CXADR: variants seen among roughly 807,000 people sequenced by gnomAD.
CXADR encodes the protein CXADR cell adhesion molecule, also known as coxsackievirus and adenovirus receptor.
Under a neutral mutation model 40.3 loss-of-function variants are expected in CXADR, and 20 were observed. The ratio of observed to expected loss-of-function variants is 0.50; its 90% CI spans 0.35 to 0.72. The LOEUF is 0.72. CXADR is among the 30% of genes least tolerant of loss of function. The pLI is 0.01. For missense variants in CXADR, 332 were observed against 449.1 expected (o/e 0.74, Z 2.36); for synonymous variants, 150 against 161.3 (o/e 0.93, Z 0.53).
At chr21:17,564,860 G>A (rs1444738857) in intron 6 of CXADR, among the ~76,000 whole-genome samples, 2 of 151,994 alleles carry the variant, frequency 1.3e-5, no homozygotes, top group African/African-American at 2.4e-5. Flanking sequence ...TCAGCCTCCC[G>A]AGTAGCTGGG....
intron 7 of CXADR, among the ~76,000 whole-genome samples, chr21:17,584,964 G>A (rs2061384643): frequency 6.6e-6 from 1 of 152,162 alleles, no homozygotes; most frequent in East Asian, 1.9e-4. Flanking sequence ...TTCTTTAGAA[G>A]TGGTTGATGG....
At chr21:17,627,937 CT>C in the CXADR span, among the ~76,000 whole-genome samples, 7 of 152,116 alleles carry the variant, frequency 4.6e-5, no homozygotes, top group African/African-American at 1.7e-4. Flanking sequence ...TAGTTTCTTT[CT>C]TTTAGTTGAT....
At chr21:17,594,437 AC>A, downstream of CXADR, 1 of 1,288,490 alleles carries the variant, frequency 7.8e-7, no homozygotes, top group African/African-American at 1.5e-5. Context: ...CACTGAGATC[AC>A]ATCTAAGTGA....
At chr21:17,604,771 A>G in the CXADR span, 15 of 1,438,048 alleles carry the variant, frequency 1.0e-5, no homozygotes, top group Admixed American at 1.2e-4. Context: ...CCTGGCCATA[A>G]AGATACACAG....
At chr21:17,516,623 G>T (rs761825261) in intron 1 of CXADR, among the ~76,000 whole-genome samples, 18 of 152,182 alleles carry the variant, frequency 1.2e-4, no homozygotes, top group Non-Finnish European at 2.4e-4. Flanking sequence ...TTTGATGGTG[G>T]CCAAGCCTCA....
intron 6 of CXADR, among the ~76,000 whole-genome samples, chr21:17,563,490 T>G (rs1397985773): frequency 6.6e-6 from 1 of 152,130 alleles, no homozygotes; most frequent in Non-Finnish European, 1.5e-5. Flanking sequence ...CTGTCTCTTA[T>G]GGGCATCATT....
Position 17,566,927 on chromosome 21 carries a change from T to C in CXADR, c.*1235T>C, listed in dbSNP as rs1255727306. ...GCTTTGAAAAAGTTTGTCTTAGTTT[T>C]GTGAAGGTGATTTATTCTTAAAAAA... On this transcript the variant is annotated 3_prime_UTR_variant, in exon 7 of 7. Coordinates refer to ENST00000284878, the MANE Select transcript of CXADR (RefSeq NM_001338.5). 5.1e-6 allele frequency: 5 copies of C among 976,390 alleles called. No homozygotes were observed. The highest frequency in any genetic ancestry group is 4.8e-6 in the Non-Finnish European group (4 of 826,366). The allele number at this position is 976,390 out of a possible 1,614,324, so 60.5% of individuals were successfully genotyped here.
chr21:17,584,633 C>G (rs1174330880), intron 7 of CXADR, among the ~76,000 whole-genome samples: 1 of 152,174 alleles, frequency 6.6e-6, no homozygotes, highest in East Asian at 1.9e-4. Flanking sequence ...AGTTTGAGAC[C>G]AGCCTGGCCA....
At chr21:17,592,616 ACT>A (rs2061448436) in intron 7 of CXADR, among the ~76,000 whole-genome samples, 1 of 151,852 alleles carries the variant, frequency 6.6e-6, no homozygotes, top group Non-Finnish European at 1.5e-5. Context: ...CAGTGTGATG[ACT>A]CTGAAAGTAA....
chr21:17,536,574 A>T (rs953876567), intron 1 of CXADR, among the ~76,000 whole-genome samples: 5 of 152,110 alleles, frequency 3.3e-5, no homozygotes, highest in Non-Finnish European at 7.4e-5. Flanking sequence ...GGCTGACTGA[A>T]TAAGTCTAGG....
At chr21:17,531,017 C>T (rs1403566079) in intron 1 of CXADR, among the ~76,000 whole-genome samples, 2 of 151,484 alleles carry the variant, frequency 1.3e-5, no homozygotes, top group Non-Finnish European at 2.9e-5. Flanking sequence ...GTTCCAGTTG[C>T]GGTCAGGCGC....
chr21:17,617,955 C>A, the CXADR span, among the ~76,000 whole-genome samples: 9 of 152,184 alleles, frequency 5.9e-5, no homozygotes, highest in Non-Finnish European at 1.2e-4. Context: ...CTTCTCAAAC[C>A]CTGCTGCTGC....
chr21:17,581,303 C>A, intron 7 of CXADR, among the ~76,000 whole-genome samples: 1 of 152,176 alleles, frequency 6.6e-6, no homozygotes, highest in East Asian at 1.9e-4. Flanking sequence ...ATAAATATAT[C>A]TTTAAAATAA....
chr21:17,622,488 A>T, the CXADR span, among the ~76,000 whole-genome samples: 1 of 152,264 alleles, frequency 6.6e-6, no homozygotes, highest in East Asian at 1.9e-4. Context: ...CCTATATATA[A>T]TGCATATATG....
chr21:17,531,411 CATT>C (rs1436697089), intron 1 of CXADR, among the ~76,000 whole-genome samples: 3 of 152,004 alleles, frequency 2.0e-5, no homozygotes, highest in Non-Finnish European at 2.9e-5. Context: ...AGTGCCATCT[CATT>C]ATAATTTTCT....
rs1043550936 is a variant in CXADR, at chr21:17,566,771, G to T, written c.*1079G>T. The T allele has an allele frequency of 1.0e-5, 10 of 964,492 alleles. No individual in the cohort carries two copies. The highest frequency in any genetic ancestry group is 1.2e-5 in the Non-Finnish European group (10 of 811,280). 59.7% of individuals were successfully genotyped at this position (964,492 alleles called of 1,614,324 possible). A position where few individuals can be genotyped will look rare whatever the true frequency, so the allele number is the denominator to read the frequency against. On this transcript the variant is annotated 3_prime_UTR_variant, in exon 7 of 7. Coordinates refer to ENST00000284878, the MANE Select transcript of CXADR (RefSeq NM_001338.5). The stretch of plus-strand genomic sequence containing the variant: ...CTGGATGATATTTTTTATCATAAAT[G>T]CAGAATAATCAAATACATTTTAAGC...
intron 1 of CXADR, among the ~76,000 whole-genome samples, chr21:17,523,859 A>C (rs1028554808): frequency 1.3e-5 from 2 of 151,650 alleles, no homozygotes; most frequent in East Asian, 1.9e-4. Context: ...GGTTCTTTTT[A>C]TTTTTCTTTT....
At chr21:17,535,514 T>C (rs2060743991) in intron 1 of CXADR, among the ~76,000 whole-genome samples, 1 of 152,154 alleles carries the variant, frequency 6.6e-6, no homozygotes, top group South Asian at 2.1e-4. Context: ...TTATAGTAAG[T>C]CTTCTGATTT....
intron 3 of CXADR, among the ~76,000 whole-genome samples, chr21:17,552,559 G>A (rs2060982284): frequency 1.3e-5 from 2 of 151,522 alleles, no homozygotes; most frequent in Admixed American, 6.6e-5. Flanking sequence ...CTGTGATAAT[G>A]TCTACAAGCA....
Sources: allele counts gnomAD v4.1 joint callset (sites outside exome capture counted in the v4.1 genomes callset), GRCh38; gene constraint gnomAD v4.1.1; transcripts MANE v1.5; gene names NCBI Gene and HGNC (gene_info 2026-07-23, HGNC 2026-07-21).